BOD1L1: variants seen among roughly 807,000 people sequenced by gnomAD.
BOD1L1 encodes biorientation of chromosomes in cell division protein 1-like 1.
In BOD1L1, 86 loss-of-function variants were observed where a neutral mutation model predicts 240.7. The ratio of observed to expected loss-of-function variants is 0.36; its 90% CI spans 0.30 to 0.43. The LOEUF is 0.43. Ranked by LOEUF, BOD1L1 falls within the 20% of genes least tolerant of loss-of-function variation. The pLI, the probability that BOD1L1 is intolerant of heterozygous loss-of-function variation, is 1.00. For synonymous variants in BOD1L1, 1,268 were observed against 1,272.3 expected, an observed-to-expected ratio of 1.00 and a Z score of 0.07; for missense variants, 3,554 against 3,643.5, an observed-to-expected ratio of 0.98 and a Z score of 0.63.
At chr4:13,595,615 C>T (rs1279557286) in intron 12 of BOD1L1, among the ~76,000 whole-genome samples, 1 of 152,120 alleles carries the variant, frequency 6.6e-6, no homozygotes, top group Non-Finnish European at 1.5e-5. Flanking sequence ...TTTCGTTTTG[C>T]ATTATTATTT....
rs370709427 is a variant in BOD1L1 at position 13,605,107 on chromosome 4, A to G, written c.1816-23T>C. 19 of 1,474,532 alleles carry G rather than the reference A, an allele frequency of 1.3e-5. No homozygotes were observed. The African/African-American group carries it at 2.3e-4, about 18-fold the overall frequency. The allele number at this position is 1,474,532 out of a possible 1,614,324, so 91.3% of individuals were successfully genotyped here. ...ATGCTGAAAGAAAACAAAGGTTAAA[A>G]TATGAGAAATACCAAAATCAATTTT... is the stretch of plus-strand genomic sequence containing the variant. On this transcript the variant is annotated intron_variant, in intron 9 of 25. Coordinates refer to ENST00000040738, the MANE Select transcript of BOD1L1 (RefSeq NM_148894.3).
Position 13,581,160 on chromosome 4 carries a change from T to C in BOD1L1, c.8640A>G (p.Lys2880=), listed in dbSNP as rs750686001. ...IIKRKRGRPR[K]YPVETTLKMK... is the part of the protein sequence containing the mutation. ...TTTTTAACGTTGTTTCTACAGGGTATTTGCGAGGTCTTCCTCTTTTCCTTT... is the reference window on the plus strand; with the variant it reads ...TTTTTAACGTTGTTTCTACAGGGTACTTGCGAGGTCTTCCTCTTTTCCTTT... The change falls in exon 20 of 26, where the codon AAA becomes AAG. Residue 2880 remains lysine (K), a synonymous_variant. Coordinates refer to ENST00000040738, the MANE Select transcript of BOD1L1 (RefSeq NM_148894.3). 1 of 1,577,206 alleles carries C rather than the reference T, an allele frequency of 6.3e-7. No homozygotes were observed. The highest frequency in any genetic ancestry group is 8.6e-7 in the Non-Finnish European group (1 of 1,159,406).
chr4:13,614,694 T>A lies in BOD1L1; in HGVS notation c.676A>T (p.Asn226Tyr). ...GACGCTCTCTCACTGGTCTTGGCAT[T>A]TGATGTTTCTGTTGAAGCCCTAGCA... ...SAARASTETS[N>Y]AKTSERASKK... is the part of the protein sequence containing the mutation. The change falls in exon 4 of 26, where the codon AAT becomes TAT. Residue 226 changes from asparagine (N) to tyrosine (Y), a missense_variant. Physicochemically the swap from Asn to Tyr is moderately radical, Grantham distance 143. Transcript: ENST00000040738. 1 of 1,613,950 alleles carries A rather than the reference T, an allele frequency of 6.2e-7. No homozygotes were observed. The highest frequency in any genetic ancestry group is 8.5e-7 in the Non-Finnish European group (1 of 1,179,866).
In BOD1L1 at chr4:13,569,583, A is replaced by AAAAT. The variant is rs1318741935; in HGVS notation, c.*424_*427dup. 1 of 152,566 alleles carries AAAAT rather than the reference A, an allele frequency of 6.6e-6. No homozygotes were observed. Among genetic ancestry groups the AAAAT allele is most frequent in the African/African-American group, 2.4e-5 (1 of 41,480 alleles). The allele number at this position is 152,566 out of a possible 1,614,324, so 9.5% of individuals were successfully genotyped here. On this transcript the variant is annotated 3_prime_UTR_variant, in exon 26 of 26. Transcript: ENST00000040738. ...AAGTTCACAGATAAGTTTTCTCTGT[A>AAAAT]AAATAAATAAAGTGTTCATTGATTA...
At chr4:13,619,103 C>T (rs1716836480) in intron 2 of BOD1L1, among the ~76,000 whole-genome samples, 1 of 151,786 alleles carries the variant, frequency 6.6e-6, no homozygotes, top group African/African-American at 2.4e-5. Flanking sequence ...AGGGAAGATC[C>T]CTTGAGCCTA....
At chr4:13,585,026 A>G (rs978357103) in intron 17 of BOD1L1, among the ~76,000 whole-genome samples, 39 of 152,270 alleles carry the variant, frequency 2.6e-4, no homozygotes, top group African/African-American at 9.1e-4. Context: ...TTTAAATTTA[A>G]CATTAAAAAA....
chr4:13,599,551 T>C lies in BOD1L1; in HGVS notation c.7349A>G (p.Lys2450Arg). ...EIGPFAGRGQ[K>R]ESTLHLINAE... ...ATTTATGAGGTGTAAAGTGCTCTCT[T>C]TCTGTCCTCTTCCTGCAAATGGTCC... is the stretch of plus-strand genomic sequence containing the variant. The change falls in exon 10 of 26, where the codon AAA becomes AGA. Residue 2450 changes from lysine (K) to arginine (R), a missense_variant. This residue lies in a region of BOD1L1 where 3,393 missense variants were observed against 3,427.1 expected (regional missense o/e 0.99). Transcript: ENST00000040738. The C allele has an allele frequency of 6.2e-7, 1 of 1,614,078 alleles. No homozygotes were observed. The highest frequency in any genetic ancestry group is 1.1e-5 in the South Asian group (1 of 91,086).
chr4:13,595,979 C>T (rs376200949), intron 11 of BOD1L1, 35 bp from the exon 12 acceptor site: 2 of 1,583,550 alleles, frequency 1.3e-6, no homozygotes, highest in Non-Finnish European at 1.7e-6. Flanking sequence ...AATAAGTTAA[C>T]CAGGGTTTTT....
rs1463093523 is a variant in BOD1L1 at position 13,601,768 on chromosome 4, T to G, written c.5132A>C (p.Gln1711Pro). ...GGGACCCATTCTCATCATATTTCCC[T>G]GGGAGCCATCCACCTCTTCACTGCT... ...SISSEEVDGS[Q>P]GNMMRMGPKK... The change falls in exon 10 of 26, where the codon CAG becomes CCG. Residue 1711 changes from glutamine (Q) to proline (P), a missense_variant. Gln to Pro is a moderately conservative substitution (Grantham distance 76). This residue lies in a region of BOD1L1 where 3,393 missense variants were observed against 3,427.1 expected (regional missense o/e 0.99). Transcript: ENST00000040738. The G allele has an allele frequency of 1.2e-6, 2 of 1,614,042 alleles. No individual in the cohort carries two copies. The highest frequency in any genetic ancestry group is 2.2e-5 in the South Asian group (2 of 91,084).
intron 25 of BOD1L1, among the ~76,000 whole-genome samples, chr4:13,576,564 G>GAATGGGTTC (rs1326534604): frequency 9.1e-4 from 139 of 152,262 alleles, no homozygotes; most frequent in African/African-American, 3.2e-3. Context: ...GATGGCAGAT[G>GAATGGGTTC]CTCAAAAAAT....
At chr4:13,590,079 C>T (rs1159587707) in intron 14 of BOD1L1, among the ~76,000 whole-genome samples, 2 of 152,172 alleles carry the variant, frequency 1.3e-5, no homozygotes, top group Non-Finnish European at 2.9e-5. Context: ...ACTTGCAATC[C>T]ACAGGGGGCT....
At chr4:13,623,076 C>G (rs1717147557) in intron 1 of BOD1L1, among the ~76,000 whole-genome samples, 2 of 152,208 alleles carry the variant, frequency 1.3e-5, no homozygotes, top group Admixed American at 1.3e-4. Flanking sequence ...CAAGTATCAT[C>G]ACATTGAAAC....
intron 11 of BOD1L1, 55 bp from the exon 12 acceptor site, chr4:13,595,999 C>A: frequency 1.4e-6 from 2 of 1,448,902 alleles, no homozygotes; most frequent in Non-Finnish European, 1.9e-6. Context: ...TACAAGAAGA[C>A]TAACCTCAAG....
chr4:13,577,693 T>C (rs1712879735), intron 22 of BOD1L1, 62 bp from the exon 23 acceptor site: 2 of 1,264,460 alleles, frequency 1.6e-6, no homozygotes, highest in Middle Eastern at 2.7e-4. Context: ...ATTTCAACAA[T>C]CAGCCTGGCT....
At position 13,605,072 on chromosome 4, in the gene BOD1L1, C is replaced by A; in HGVS notation, c.1828G>T (p.Glu610Ter). 2 of 1,542,778 alleles carry A rather than the reference C, an allele frequency of 1.3e-6. No homozygotes were observed. The highest frequency in any genetic ancestry group is 8.7e-7 in the Non-Finnish European group (1 of 1,152,392). Residue 610 changes from glutamate (E) to a stop codon, truncating the protein, a stop_gained, in exon 10 of 26, where the codon GAA (glutamate) becomes TAA (stop). Transcript: ENST00000040738. LOFTEE classifies it high-confidence loss of function. ...AGCTCCTTTGAAGAAGAAATTTTTT[C>A]CTTTTCACAATGCTGAAAGAAAACA... ...TLKTSEHCEK[E>*]KISSSKELKH...
chr4:13,574,553 G>A (rs983708276), intron 25 of BOD1L1, among the ~76,000 whole-genome samples: 2 of 152,100 alleles, frequency 1.3e-5, no homozygotes, highest in African/African-American at 2.4e-5. Flanking sequence ...ACACTCACTC[G>A]AAGATGGCTA....
At chr4:13,585,529 C>T (rs1047302275) in intron 17 of BOD1L1, among the ~76,000 whole-genome samples, 9 of 151,518 alleles carry the variant, frequency 5.9e-5, no homozygotes, top group African/African-American at 2.2e-4. Context: ...CGGCAGAACA[C>T]AAATACAAAT....
intron 13 of BOD1L1, 23 bp downstream of exon 13, chr4:13,591,900 T>C (rs1714249716): frequency 6.6e-7 from 1 of 1,525,284 alleles, no homozygotes; most frequent in Non-Finnish European, 8.8e-7. Flanking sequence ...ACCACAAAAA[T>C]CAAAACCATT....
Position 13,603,328 on chromosome 4 carries a change from C to T in BOD1L1, c.3572G>A (p.Ser1191Asn). 2 of 1,613,994 alleles carry T rather than the reference C, an allele frequency of 1.2e-6. 1 individual carries two copies. Among genetic ancestry groups the T allele is most frequent in the Admixed American group, 3.3e-5 (2 of 60,028 alleles). Residue 1191 changes from serine to asparagine, a missense_variant, in exon 10 of 26, where the codon AGT becomes AAT. Ser to Asn is a conservative substitution (Grantham distance 46, BLOSUM62 1). Transcript: ENST00000040738. ...ATGATCGGCATGCTTTTCAGAATTA[C>T]TATTAACTCCTGTTCCACGGCCTGG... Reference protein sequence around the residue: ...YKPGRGTGVNSNSEKHADHRS... With the variant: ...YKPGRGTGVNNNSEKHADHRS...
Sources: allele counts gnomAD v4.1 joint callset (sites outside exome capture counted in the v4.1 genomes callset), GRCh38; gene constraint gnomAD v4.1.1; regional missense constraint gnomAD v4.1.1; transcripts MANE v1.5; gene names NCBI Gene and HGNC (gene_info 2026-07-23, HGNC 2026-07-21).